The following PLXNB1 variants were observed in gnomAD, a reference collection of about 807,000 sequenced individuals.
PLXNB1 encodes plexin B1.
A neutral mutation model predicts 209.4 loss-of-function variants in PLXNB1; 106 were observed. The ratio of observed to expected loss-of-function variants is 0.51; its 90% confidence interval spans 0.43 to 0.59. The LOEUF (loss-of-function observed/expected upper bound fraction) is 0.59. PLXNB1 is among the 20% of genes least tolerant of loss of function. The probability of loss-of-function intolerance (pLI) is 0.00; values close to 1 mark genes in which losing one functional copy is unlikely to be tolerated. For missense variants in PLXNB1, 2,357 were observed against 2,853.2 expected (o/e 0.83, Z 3.96); for synonymous variants, 1,167 against 1,183.2 (o/e 0.99, Z 0.28).
rs1024579681 is a variant in PLXNB1 at position 48,404,337 on chromosome 3, G to C, written c.*149C>G. 1.0e-5 allele frequency: 6 copies of C among 597,504 alleles called. No homozygotes were observed. The East Asian group carries it at 1.7e-4, about 17-fold the overall frequency. The allele number at this position is 597,504 out of a possible 1,614,324, so 37.0% of individuals were successfully genotyped here. On this transcript the variant is annotated 3_prime_UTR_variant, in exon 38 of 38. Transcript: ENST00000296440. ...TCTAGGAGGTGGATCCAGCAGGGCCGAGGCCAGAGCCACCAGGAGACTGGG... is the reference window on the plus strand; with the variant it reads ...TCTAGGAGGTGGATCCAGCAGGGCCCAGGCCAGAGCCACCAGGAGACTGGG...
rs2037627062 is a variant in PLXNB1, at chr3:48,410,767, T to C, written c.5416+101A>G. ...GCCAGCTTCTGCCTGCCTCCCAGCA[T>C]CCTCCCCACCCTGAGTGATGAGTTG... On this transcript the variant is annotated intron_variant, in intron 29 of 37. Transcript: ENST00000296440. The surrounding 1 kb of genome is among the most constrained non-coding windows in gnomAD (Gnocchi z 6.4). 56 of 1,236,810 alleles carry C rather than the reference T, an allele frequency of 4.5e-5. 2 individuals are homozygous for C. In the South Asian group the frequency reaches 8.0e-4, roughly 18 times the overall value. The allele number at this position is 1,236,810 out of a possible 1,614,324, so 76.6% of individuals were successfully genotyped here. A position where few individuals can be genotyped will look rare whatever the true frequency, so the allele number is the denominator to read the frequency against.
rs1399911349 is a variant in PLXNB1, at chr3:48,424,013, T to A, written c.599A>T (p.Tyr200Phe). ...CACTGCCAGCTTGGCTGTCTCCTCA[T>A]AGGAGAAGGCAGCTTGGGGGTCGGG... ...WPPDPQAAFS[Y>F]EETAKLAVGR... The change falls in exon 3 of 38, where the codon TAT (tyrosine) becomes TTT (phenylalanine). Residue 200 changes from tyrosine to phenylalanine, a missense_variant. By Grantham distance (22) the Tyr-to-Phe change is conservative. Coordinates refer to ENST00000296440, the MANE Select transcript of PLXNB1 (RefSeq NM_001130082.3). 1 of 1,611,600 alleles carries A rather than the reference T, an allele frequency of 6.2e-7. No homozygotes were observed. Among genetic ancestry groups the A allele is most frequent in the Non-Finnish European group, 8.5e-7 (1 of 1,178,810 alleles).
chr3:48,413,233 C>G lies in PLXNB1; in HGVS notation c.4536-64G>C. On this transcript the variant is annotated intron_variant, in intron 23 of 37. Coordinates refer to ENST00000296440, the MANE Select transcript of PLXNB1 (RefSeq NM_001130082.3). The surrounding 1 kb of genome is among the most constrained non-coding windows in gnomAD (Gnocchi z 5.4). The stretch of plus-strand genomic sequence containing the variant: ...GTCCTACTCGCCCAGGCCTGCCTGA[C>G]AATCCCCAGGCACACCCCGGCCTCA... 9 of 1,293,674 alleles carry G rather than the reference C, an allele frequency of 7.0e-6. No homozygotes were observed. The highest frequency in any genetic ancestry group is 8.9e-6 in the Non-Finnish European group (8 of 900,352). The allele number at this position is 1,293,674 out of a possible 1,614,324, so 80.1% of individuals were successfully genotyped here.
intron 4 of PLXNB1, 142 bp downstream of exon 4, chr3:48,422,623 A>C (rs1268844384): frequency 8.2e-7 from 1 of 1,223,254 alleles, no homozygotes; most frequent in Non-Finnish European, 1.1e-6. Flanking sequence ...TCACAGGTAA[A>C]CACCACCCAG....
At position 48,416,623 on chromosome 3, in the gene PLXNB1, AGGC is replaced by A; in HGVS notation, c.3375-175_3375-173del. 2 of 445,214 alleles carry A rather than the reference AGGC, an allele frequency of 4.5e-6. No individual in the cohort carries two copies. Among genetic ancestry groups the A allele is most frequent in the Non-Finnish European group, 7.9e-6 (2 of 253,952 alleles). 27.6% of individuals were successfully genotyped at this position (445,214 alleles called of 1,614,324 possible). On this transcript the variant is annotated intron_variant, in intron 16 of 37. Transcript: ENST00000296440. This position sits in a 1 kb window ranked among gnomAD's most constrained non-coding sequence, Gnocchi z 4.1. ...AGGGAATTCTTTATGACACATCAGA[AGGC>A]CTTGGTATCTGAGAATTAATATTTG...
rs372162008 is a variant in PLXNB1 at position 48,417,879 on chromosome 3, C to A, written c.3374+32G>T. 10 of 1,586,614 alleles carry A rather than the reference C, an allele frequency of 6.3e-6. No individual in the cohort carries two copies. The highest frequency in any genetic ancestry group is 6.9e-6 in the Non-Finnish European group (8 of 1,163,210). ...CGCCAACCGCGGAGGCCCCAGGCTG[C>A]GCCGTGCTCCTGCTGGGTGCAGCCA... On this transcript the variant is annotated intron_variant, in intron 16 of 37. Transcript: ENST00000296440. This position sits in a 1 kb window ranked among gnomAD's most constrained non-coding sequence, Gnocchi z 4.4.
Position 48,424,176 on chromosome 3 carries a change from T to C in PLXNB1, c.436A>G (p.Asn146Asp). ...RPGDTQYVAA[N>D]DPAVSTVGLV... ...CCCACCGTGCTGACCGCAGGATCAT[T>C]GGCAGCCACATATTGTGTGTCCCCA... Residue 146 changes from asparagine (N) to aspartate (D), a missense_variant, in exon 3 of 38, where the codon AAT (asparagine) becomes GAT (aspartate). Physicochemically the swap from Asn to Asp is conservative, Grantham distance 23. Coordinates refer to ENST00000296440, the MANE Select transcript of PLXNB1 (RefSeq NM_001130082.3). 12 of 1,584,736 alleles carry C rather than the reference T, an allele frequency of 7.6e-6. No individual in the cohort carries two copies. The highest frequency in any genetic ancestry group is 1.0e-5 in the Non-Finnish European group (12 of 1,164,528).
rs904158439 is a variant in PLXNB1 at position 48,418,820 on chromosome 3, G to T, written c.2955+97C>A. The T allele has an allele frequency of 4.8e-6, 7 of 1,456,984 alleles. No individual in the cohort carries two copies. The highest frequency in any genetic ancestry group is 5.7e-6 in the Non-Finnish European group (6 of 1,050,716). 90.3% of individuals were successfully genotyped at this position (1,456,984 alleles called of 1,614,324 possible). On this transcript the variant is annotated intron_variant, in intron 13 of 37. Coordinates refer to ENST00000296440, the MANE Select transcript of PLXNB1 (RefSeq NM_001130082.3). The surrounding 1 kb of genome is among the most constrained non-coding windows in gnomAD (Gnocchi z 6.6). ...TCCCTCAGGGCGACACGGTCAGAGC[G>T]TGGCTCTGGAAAGTGTGGTGCAGCC...
chr3:48,407,039 C>A lies in PLXNB1; in HGVS notation c.6140G>T (p.Arg2047Leu), dbSNP rs200211751. The A allele has an allele frequency of 6.2e-7, 1 of 1,614,122 alleles. No homozygotes were observed. The highest frequency in any genetic ancestry group is 8.5e-7 in the Non-Finnish European group (1 of 1,180,008). ...LYARDIPRYK[R>L]MVERYYADIR... ...TGCCCTCCAGTACCTTTCCACCATC[C>A]GCTTGTACCGGGGAATGTCCCGTGC... The change falls in exon 35 of 38, where the codon CGG (arginine) becomes CTG (leucine). Residue 2047 changes from arginine (R) to leucine (L), a missense_variant. Physicochemically the swap from Arg to Leu is moderately radical, Grantham distance 102 (BLOSUM62 -2). Coordinates refer to ENST00000296440, the MANE Select transcript of PLXNB1 (RefSeq NM_001130082.3).
Position 48,410,582 on chromosome 3 carries a change from G to A in PLXNB1, c.5417-24C>T, listed in dbSNP as rs781649668. On this transcript the variant is annotated intron_variant, in intron 29 of 37. Transcript: ENST00000296440. This position sits in a 1 kb window ranked among gnomAD's most constrained non-coding sequence, Gnocchi z 6.4. ...CTCTGCAAGGGCAAGGCAGAACTGG[G>A]TGCAGGGCTGGAAGATACCCTTCCC... The A allele has an allele frequency of 6.3e-7, 1 of 1,586,328 alleles. No homozygotes were observed. Among genetic ancestry groups the A allele is most frequent in the Non-Finnish European group, 8.7e-7 (1 of 1,155,940 alleles).
intron 21 of PLXNB1, 143 bp downstream of exon 21, chr3:48,414,656 T>G: frequency 9.6e-7 from 1 of 1,036,620 alleles, no homozygotes; most frequent in Non-Finnish European, 1.4e-6. Flanking sequence ...CAGCCCCCTC[T>G]GCCCCCACCA....
rs2037810913 is a variant in PLXNB1 at position 48,413,113 on chromosome 3, T to C, written c.4592A>G (p.Asn1531Ser). The change falls in exon 24 of 38, where the codon AAT becomes AGT. Residue 1531 changes from asparagine to serine, a missense_variant. Physicochemically the swap from Asn to Ser is conservative, Grantham distance 46. This residue lies in a region of PLXNB1 where 743 missense variants were observed against 896.2 expected (regional missense o/e 0.83). Coordinates refer to ENST00000296440, the MANE Select transcript of PLXNB1 (RefSeq NM_001130082.3). The surrounding 1 kb of genome is among the most constrained non-coding windows in gnomAD (Gnocchi z 5.4). ...GCGGTCCCGCACACTGCTCTCCAGA[T>C]TCTCCAGCTGGATCTGAACCTTCTT... is the stretch of plus-strand genomic sequence containing the variant. ...DYKKVQIQLE[N>S]LESSVRDRCK... is the part of the protein sequence containing the mutation. 1.9e-6 allele frequency: 3 copies of C among 1,613,826 alleles called. No homozygotes were observed. Among genetic ancestry groups the C allele is most frequent in the Admixed American group, 1.7e-5 (1 of 60,006 alleles).
At position 48,406,703 on chromosome 3, in the gene PLXNB1, A is replaced by G; in HGVS notation, c.6228+120T>C. On this transcript the variant is annotated intron_variant, in intron 36 of 37. Transcript: ENST00000296440. The surrounding 1 kb of genome is among the most constrained non-coding windows in gnomAD (Gnocchi z 4.4). Reference sequence around the variant, plus strand: ...TTCTGCATTTATGTTTCCTGCCCCAACCAGCTCACAGGGCTGCTGAGGTTC... The same window carrying G: ...TTCTGCATTTATGTTTCCTGCCCCAGCCAGCTCACAGGGCTGCTGAGGTTC... The G allele has an allele frequency of 1.0e-5, 15 of 1,451,834 alleles. No homozygotes were observed. Among genetic ancestry groups the G allele is most frequent in the Non-Finnish European group, 1.4e-5 (15 of 1,100,362 alleles). 89.9% of individuals were successfully genotyped at this position (1,451,834 alleles called of 1,614,324 possible).
chr3:48,423,342 C>T (rs1386635176), intron 3 of PLXNB1, among the ~76,000 whole-genome samples, 163 bp downstream of exon 3: 1 of 152,166 alleles, frequency 6.6e-6, no homozygotes, highest in African/African-American at 2.4e-5. Context: ...GGTAAGGTAC[C>T]CTTCCACTGC....
In PLXNB1 at chr3:48,423,784, G is replaced by A; in HGVS notation, c.828C>T (p.Ile276=). ...TGGACGTGGCCACAGCTGCAGCCTGGATCAGCCCGTAGCGGCCACCTTCGC... is the reference window on the plus strand; with the variant it reads ...TGGACGTGGCCACAGCTGCAGCCTGAATCAGCCCGTAGCGGCCACCTTCGC... ...LACEGGRYGL[I]QAAAVATSRE... Residue 276 remains isoleucine, a synonymous_variant, in exon 3 of 38, where the codon ATC becomes ATT. Transcript: ENST00000296440. 1.2e-6 allele frequency: 2 copies of A among 1,613,968 alleles called. No homozygotes were observed. The highest frequency in any genetic ancestry group is 1.7e-6 in the Non-Finnish European group (2 of 1,179,998).
chr3:48,416,147 G>A lies in PLXNB1; in HGVS notation c.3501C>T (p.Ile1167=), dbSNP rs1254431150. 2 of 1,599,134 alleles carry A rather than the reference G, an allele frequency of 1.3e-6. No homozygotes were observed. Among genetic ancestry groups the A allele is most frequent in the African/African-American group, 2.7e-5 (2 of 74,690 alleles). Residue 1167 remains isoleucine (I), a synonymous_variant, in exon 18 of 38, where the codon ATC becomes ATT. Transcript: ENST00000296440. The surrounding 1 kb of genome is among the most constrained non-coding windows in gnomAD (Gnocchi z 4.1). ...FAYQDPKVHS[I]FPARGPRAGG... is the part of the protein sequence containing the mutation. ...CAGCTCTGGGGCCGCGGGCCGGGAAGATGGAATGGACCTTCGGATCCTGTG... is the reference window on the plus strand; with the variant it reads ...CAGCTCTGGGGCCGCGGGCCGGGAAAATGGAATGGACCTTCGGATCCTGTG...
Position 48,420,121 on chromosome 3 carries a change from G to A in PLXNB1, c.2165C>T (p.Ser722Leu), listed in dbSNP as rs75665465. ...EPGAPSTATA[S>L]DISPGASPSL... ...AGGACTAGCCCCAGGTGAGATGTCC[G>A]AAGCTGTGGCTGTGGAGGGAGCCCC... The change falls in exon 11 of 38, where the codon TCG becomes TTG. Residue 722 changes from serine (S) to leucine (L), a missense_variant. By Grantham distance (145) the Ser-to-Leu change is moderately radical. Around this residue, in one of 7 missense-constraint regions of PLXNB1, gnomAD observed 410 missense variants for 401.0 expected, o/e 1.02. Transcript: ENST00000296440. 4.7e-3 allele frequency: 7,623 copies of A among 1,605,650 alleles called. 203 individuals are homozygous for A. In the African/African-American group the frequency reaches 0.071, roughly 15 times the overall value.
chr3:48,413,110 A>G lies in PLXNB1; in HGVS notation c.4595T>C (p.Leu1532Pro). ...GCAGCGGTCCCGCACACTGCTCTCC[A>G]GATTCTCCAGCTGGATCTGAACCTT... ...YKKVQIQLEN[L>P]ESSVRDRCKK... The change falls in exon 24 of 38, where the codon CTG becomes CCG. Residue 1532 changes from leucine (L) to proline (P), a missense_variant. Physicochemically the swap from Leu to Pro is moderately conservative, Grantham distance 98. Coordinates refer to ENST00000296440, the MANE Select transcript of PLXNB1 (RefSeq NM_001130082.3). This position sits in a 1 kb window ranked among gnomAD's most constrained non-coding sequence, Gnocchi z 5.4. 6.2e-7 allele frequency: 1 copy of G among 1,613,916 alleles called. No individual in the cohort carries two copies.
In PLXNB1 at chr3:48,405,520, G is replaced by A. The variant is rs541494200; in HGVS notation, c.6303+204C>T. Among the ~76,000 whole-genome samples, 1 of 152,184 alleles carries A rather than the reference G, an allele frequency of 6.6e-6. No homozygotes were observed. Among genetic ancestry groups the A allele is most frequent in the African/African-American group, 2.4e-5 (1 of 41,438 alleles). ...CCGTCCTGCTGGGGAGCTGGAATGGGGAGCAGTGGGACAGGTGAGAGCACA... is the reference window on the plus strand; with the variant it reads ...CCGTCCTGCTGGGGAGCTGGAATGGAGAGCAGTGGGACAGGTGAGAGCACA... On this transcript the variant is annotated intron_variant, in intron 37 of 37. Transcript: ENST00000296440. The surrounding 1 kb of genome is among the most constrained non-coding windows in gnomAD (Gnocchi z 5.0).
Sources: allele counts gnomAD v4.1 joint callset (sites outside exome capture counted in the v4.1 genomes callset), GRCh38; gene constraint gnomAD v4.1.1; regional missense constraint gnomAD v4.1.1; non-coding constraint Gnocchi (gnomAD v3.1); transcripts MANE v1.5; gene names NCBI Gene and HGNC (gene_info 2026-07-23, HGNC 2026-07-21).